The following PTN variants were observed in gnomAD, a reference collection of about 807,000 sequenced individuals.
PTN encodes heparin affin regulatory protein.
Under a neutral mutation model 24.1 loss-of-function variants are expected in PTN, and 18 were observed. The ratio of observed to expected loss-of-function variants is 0.75; its 90% confidence interval spans 0.52 to 1.11. The LOEUF (loss-of-function observed/expected upper bound fraction) is 1.11, where lower values mean the gene tolerates loss of function less well. Ranked by LOEUF, PTN falls within the 50% of genes least tolerant of loss-of-function variation. The pLI, the probability that PTN is intolerant of heterozygous loss-of-function variation, is 0.00. For missense variants in PTN, 163 were observed against 198.8 expected (o/e 0.82, Z 1.08); for synonymous variants, 78 against 68.6 (o/e 1.14, Z -0.67).
chr7:137,304,899 C>A (rs767025548), intron 1 of PTN, among the ~76,000 whole-genome samples: 1 of 151,922 alleles, frequency 6.6e-6, no homozygotes, highest in Non-Finnish European at 1.5e-5. Context: ...CCCATAAAGT[C>A]CAACACTCAT....
intron 1 of PTN, among the ~76,000 whole-genome samples, chr7:137,342,271 G>C (rs1340833495): frequency 6.6e-6 from 1 of 151,946 alleles, no homozygotes; most frequent in Non-Finnish European, 1.5e-5. Flanking sequence ...TCTCCTCCCA[G>C]ACCCCTCTCT....
At position 137,274,246 on chromosome 7, in the gene PTN, C is replaced by G. The variant is rs1471628160; in HGVS notation, c.-1-19272G>C. ...GCCTAGAGCAGCTCCTCCTTCACTA[C>G]TCACTGACTTCCTTGTAAAAGTCCA... On this transcript the variant is annotated intron_variant, in intron 1 of 4. Transcript: ENST00000348225. 2.0e-5 allele frequency among the ~76,000 whole-genome samples: 3 copies of G among 152,236 alleles called. No individual in the cohort carries two copies. In the East Asian group the frequency reaches 5.8e-4, roughly 29 times the overall value.
intron 1 of PTN, among the ~76,000 whole-genome samples, chr7:137,281,250 A>T (rs375476578): frequency 1.3e-5 from 2 of 151,382 alleles, no homozygotes; most frequent in Non-Finnish European, 2.9e-5. Flanking sequence ...GGCTGGTATC[A>T]CTCAAAAAAA....
intron 1 of PTN, among the ~76,000 whole-genome samples, chr7:137,317,185 A>C (rs1367645829): frequency 3.3e-5 from 5 of 152,172 alleles, no homozygotes; most frequent in Non-Finnish European, 7.3e-5. Flanking sequence ...CAGGGAGAGC[A>C]GGGGCTGGCC....
intron 4 of PTN, 48 bp from the exon 5 acceptor site, chr7:137,228,123 C>A (rs1254705963): frequency 4.1e-6 from 5 of 1,216,332 alleles, no homozygotes; most frequent in South Asian, 3.8e-5. Context: ...AGAAAAATGT[C>A]AAGTTACTAA....
chr7:137,269,115 G>A (rs1809218860), intron 1 of PTN, among the ~76,000 whole-genome samples: 1 of 152,022 alleles, frequency 6.6e-6, no homozygotes, highest in South Asian at 2.1e-4. Context: ...CATTTCTCTT[G>A]TTCATATTTA....
At chr7:137,267,111 T>C (rs2128873711) in intron 1 of PTN, among the ~76,000 whole-genome samples, 1 of 152,290 alleles carries the variant, frequency 6.6e-6, no homozygotes, top group Middle Eastern at 3.4e-3. Flanking sequence ...GAATCAGGTA[T>C]ATTGTATTTT....
chr7:137,323,459 A>T (rs577364134), intron 1 of PTN, among the ~76,000 whole-genome samples: 206 of 152,292 alleles, frequency 1.4e-3, no homozygotes, highest in African/African-American at 4.3e-3. Context: ...GTAATTTAAA[A>T]CTTCATTTGT....
At chr7:137,337,027 G>A (rs139198070) in intron 1 of PTN, among the ~76,000 whole-genome samples, 6 of 152,118 alleles carry the variant, frequency 3.9e-5, no homozygotes, top group African/African-American at 1.2e-4. Flanking sequence ...AATATTGAGC[G>A]ATTAAGGCTA....
chr7:137,240,854 G>A (rs1808616360), intron 4 of PTN, among the ~76,000 whole-genome samples: 6 of 152,258 alleles, frequency 3.9e-5, no homozygotes, highest in Middle Eastern at 6.8e-3. Context: ...CTCTAGAGTC[G>A]ACTGCCTTGC....
chr7:137,343,381 G>A (rs1474562552), intron 1 of PTN, 58 bp downstream of exon 1: 2 of 451,006 alleles, frequency 4.4e-6, no homozygotes, highest in East Asian at 6.3e-5. Flanking sequence ...AGTGGCACAG[G>A]GTGAAGGCAA....
chr7:137,320,233 A>G (rs11982064), intron 1 of PTN, among the ~76,000 whole-genome samples: 131 of 152,316 alleles, frequency 8.6e-4, no homozygotes, highest in African/African-American at 2.6e-3. Context: ...TCGCCCACAC[A>G]TTCACAGGCA....
rs1179097631 is a variant in PTN, at chr7:137,252,524, A to G, written c.289+940T>C. ...AAGTGGGTTTTTAAGGTGCCCATAT[A>G]CAATTTAAGACCAAATGTACCTGTT... On this transcript the variant is annotated intron_variant, in intron 3 of 4. Transcript: ENST00000348225. Among the ~76,000 whole-genome samples the G allele has an allele frequency of 3.9e-5, 6 of 151,906 alleles. No individual in the cohort carries two copies. The East Asian group carries it at 5.8e-4, about 15-fold the overall frequency.
chr7:137,235,786 A>G (rs895521137), intron 4 of PTN, among the ~76,000 whole-genome samples: 6 of 151,940 alleles, frequency 3.9e-5, no homozygotes, highest in African/African-American at 1.5e-4. Flanking sequence ...CATCAACTCT[A>G]TTTCATAGCA....
intron 1 of PTN, among the ~76,000 whole-genome samples, chr7:137,299,179 A>G (rs1318734666): frequency 6.6e-6 from 1 of 151,896 alleles, no homozygotes; most frequent in Non-Finnish European, 1.5e-5. Flanking sequence ...GTAGTTCCCG[A>G]GGTCACGTCC....
intron 1 of PTN, among the ~76,000 whole-genome samples, chr7:137,281,875 T>C (rs551968393): frequency 1.1e-4 from 17 of 152,330 alleles, no homozygotes; most frequent in African/African-American, 2.6e-4. Context: ...ATTTTCACAA[T>C]AACTTTAGAA....
intron 1 of PTN, chr7:137,324,893 A>T (rs1165819482): frequency 6.6e-6 from 1 of 152,192 alleles, no homozygotes; most frequent in Non-Finnish European, 1.5e-5. Context: ...TATTACATGG[A>T]TGTTAGCTGT....
chr7:137,281,610 C>T (rs1284105311), intron 1 of PTN, among the ~76,000 whole-genome samples: 1 of 152,124 alleles, frequency 6.6e-6, no homozygotes, highest in Non-Finnish European at 1.5e-5. Context: ...CTTATTTCTG[C>T]ACATGAAAGT....
chr7:137,249,272 C>CGTGTGT (rs60014659), intron 4 of PTN, among the ~76,000 whole-genome samples: 5,799 of 145,302 alleles, frequency 0.04, 193 homozygotes, highest in East Asian at 0.17. Context: ...GGACAGTGCA[C>CGTGTGT]GTGTGTGTGT....
Sources: gnomAD v4.1 joint callset for allele counts (sites outside exome capture counted in the v4.1 genomes callset) on GRCh38, gnomAD v4.1.1 for gene constraint, MANE v1.5 for transcripts, NCBI Gene and HGNC (gene_info 2026-07-23, HGNC 2026-07-21) for gene names.